Variants in SCML4 observed in about 807,000 individuals in gnomAD.
The protein encoded by SCML4 is sex comb on midleg-like protein 4.
In SCML4, 34 loss-of-function variants were observed where a neutral mutation model predicts 41.1. The observed-to-expected ratio is 0.83, with a 90% confidence interval of 0.63 to 1.10. SCML4 has a LOEUF of 1.10. Ranked by LOEUF, SCML4 falls within the 50% of genes least tolerant of loss-of-function variation. The probability of loss-of-function intolerance (pLI) is 0.00; values close to 1 mark genes in which losing one functional copy is unlikely to be tolerated. For missense variants in SCML4, 522 were observed against 534.1 expected (o/e 0.98, Z 0.22); for synonymous variants, 214 against 220.9 (o/e 0.97, Z 0.28).
intron 1 of SCML4, among the ~76,000 whole-genome samples, chr6:107,789,852 C>T (rs1249596398): frequency 6.6e-6 from 1 of 152,152 alleles, no homozygotes; most frequent in Admixed American, 6.6e-5. Context: ...ACAGGACCAG[C>T]AAAGCAACAA....
chr6:107,829,073 G>GA (rs1296168225), upstream of SCML4, among the ~76,000 whole-genome samples: 29 of 151,638 alleles, frequency 1.9e-4, no homozygotes, highest in Admixed American at 1.3e-3. Context: ...ATTTTATTTT[G>GA]AAAAAAAACT....
chr6:107,748,972 T>G (rs1042309614), intron 3 of SCML4, among the ~76,000 whole-genome samples: 1 of 152,076 alleles, frequency 6.6e-6, no homozygotes, highest in Admixed American at 6.5e-5. Context: ...AGAAGAGCAG[T>G]GGGGTGACCC....
Position 107,703,685 on chromosome 6 carries a change from A to C in SCML4, c.*1515T>G, listed in dbSNP as rs140939200. Among the ~76,000 whole-genome samples the C allele has an allele frequency of 6.6e-6, 1 of 152,164 alleles. No homozygotes were observed. The highest frequency in any genetic ancestry group is 2.4e-5 in the African/African-American group (1 of 41,450). Reference sequence around the variant, plus strand: ...CCCACCCTGCTCCACTTGCCAGCTGAGACCCCTGCTCAGGTTGTATCCCAG... The same window carrying C: ...CCCACCCTGCTCCACTTGCCAGCTGCGACCCCTGCTCAGGTTGTATCCCAG... On this transcript the variant is annotated 3_prime_UTR_variant, in exon 8 of 8. Coordinates refer to ENST00000369020, the MANE Select transcript of SCML4 (RefSeq NM_198081.5).
At chr6:107,767,519 G>T (rs2114558739) in intron 2 of SCML4, among the ~76,000 whole-genome samples, 1 of 152,150 alleles carries the variant, frequency 6.6e-6, no homozygotes, top group South Asian at 2.1e-4. Flanking sequence ...TTCAGAAAAA[G>T]AAAAAGGAAG....
chr6:107,791,046 G>T (rs1317178246), intron 1 of SCML4, among the ~76,000 whole-genome samples: 2 of 148,126 alleles, frequency 1.4e-5, no homozygotes, highest in Non-Finnish European at 3.0e-5. Context: ...CTCCAGCCTG[G>T]TCAGCAGAGC....
At chr6:107,751,572 A>ATCTTCCTTTCTT (rs1397888384) in intron 2 of SCML4, among the ~76,000 whole-genome samples, 9 of 87,672 alleles carry the variant, frequency 1.0e-4, no homozygotes, top group African/African-American at 4.0e-4. Flanking sequence ...CATTTTAACA[A>ATCTTCCTTTCTT]TCTTTCTTTC....
intron 1 of SCML4, among the ~76,000 whole-genome samples, chr6:107,806,828 T>C (rs1028507470): frequency 2.6e-5 from 4 of 152,196 alleles, no homozygotes; most frequent in African/African-American, 9.7e-5. Context: ...GCAGCTGCCA[T>C]CTGTTTCTCT....
chr6:107,714,702 A>G (rs1774575818), intron 6 of SCML4, among the ~76,000 whole-genome samples: 1 of 152,188 alleles, frequency 6.6e-6, no homozygotes, highest in South Asian at 2.1e-4. Flanking sequence ...CCTGCTCTAT[A>G]AAACACCTCG....
rs188907214 is a variant in SCML4, at chr6:107,772,366, C to T, written c.-39G>A. The T allele has an allele frequency of 2.5e-3, 3,836 of 1,530,332 alleles. 10 individuals carry two copies. Among genetic ancestry groups the T allele is most frequent in the Non-Finnish European group, 2.9e-3 (3,266 of 1,136,574 alleles). The allele number at this position is 1,530,332 out of a possible 1,614,324, so 94.8% of individuals were successfully genotyped here. ...AGTCTTACAGAATGAGGTGACAAATCGCTCACAGGCAGAAGAGGTGCTAAG... is the reference window on the plus strand; with the variant it reads ...AGTCTTACAGAATGAGGTGACAAATTGCTCACAGGCAGAAGAGGTGCTAAG... On this transcript the variant is annotated 5_prime_UTR_variant, in exon 2 of 8. Coordinates refer to ENST00000369020, the MANE Select transcript of SCML4 (RefSeq NM_198081.5).
rs1198416725 is a variant in SCML4, at chr6:107,790,970, T to C, written c.-59-18584A>G. 3.3e-5 allele frequency among the ~76,000 whole-genome samples: 5 copies of C among 151,526 alleles called. No individual in the cohort carries two copies. In the East Asian group the frequency reaches 5.8e-4, roughly 18 times the overall value. ...CTGTAGTCCCAGCTACTCAGGAGGCTGAGGCAGGAGAATTGCTTGAACCCA... is the reference window on the plus strand; with the variant it reads ...CTGTAGTCCCAGCTACTCAGGAGGCCGAGGCAGGAGAATTGCTTGAACCCA... On this transcript the variant is annotated intron_variant, in intron 1 of 7. Transcript: ENST00000369020.
intron 6 of SCML4, among the ~76,000 whole-genome samples, chr6:107,712,269 A>G (rs1480956067): frequency 6.6e-6 from 1 of 152,210 alleles, no homozygotes; most frequent in Non-Finnish European, 1.5e-5. Flanking sequence ...ATAATTTTAG[A>G]GTGATCAGAG....
chr6:107,740,594 C>G (rs1583458312), intron 5 of SCML4, among the ~76,000 whole-genome samples: 1 of 152,214 alleles, frequency 6.6e-6, no homozygotes, highest in Non-Finnish European at 1.5e-5. Flanking sequence ...AGACATAGAT[C>G]TGCAGCAGGA....
chr6:107,769,301 A>T (rs781623340), intron 2 of SCML4, among the ~76,000 whole-genome samples: 2 of 152,220 alleles, frequency 1.3e-5, no homozygotes, highest in African/African-American at 2.4e-5. Context: ...AGGGGGCCTG[A>T]CCTATGAACT....
At chr6:107,705,835 T>A (rs6909826) in intron 7 of SCML4, among the ~76,000 whole-genome samples, 133,026 of 152,152 alleles carry the variant, frequency 0.87, 58,294 homozygotes, top group South Asian at 0.92. Context: ...TTCCACTAGA[T>A]GGAATACACT....
rs183957160 is a variant in SCML4 at position 107,724,310 on chromosome 6, C to T, written c.683-3317G>A. On this transcript the variant is annotated intron_variant, in intron 5 of 7. Coordinates refer to ENST00000369020, the MANE Select transcript of SCML4 (RefSeq NM_198081.5). ...ATTGTACTAGAGGTTCCAGCCAGTG[C>T]AATTAGGTTAAGGAAAAGAAAAGCC... Among the ~76,000 whole-genome samples the T allele has an allele frequency of 1.3e-4, 20 of 152,094 alleles. No individual in the cohort carries two copies. The East Asian group carries it at 3.3e-3, about 25-fold the overall frequency.
At chr6:107,827,459 T>A (rs1046049491), upstream of SCML4, among the ~76,000 whole-genome samples, 14 of 151,826 alleles carry the variant, frequency 9.2e-5, no homozygotes, top group Non-Finnish European at 1.6e-4. Context: ...TAGCTTTTAA[T>A]AACTTAAATC....
At chr6:107,741,949 C>T (rs1174895391) in intron 5 of SCML4, among the ~76,000 whole-genome samples, 1 of 152,142 alleles carries the variant, frequency 6.6e-6, no homozygotes, top group African/African-American at 2.4e-5. Context: ...GGACCAGAAA[C>T]CGACCCTAAT....
At chr6:107,731,303 A>C (rs927235532) in intron 5 of SCML4, among the ~76,000 whole-genome samples, 1 of 152,220 alleles carries the variant, frequency 6.6e-6, no homozygotes, top group African/African-American at 2.4e-5. Flanking sequence ...TTTTATTTTT[A>C]AAAACTAAAC....
chr6:107,742,119 A>G (rs1416974879), intron 5 of SCML4, among the ~76,000 whole-genome samples: 1 of 151,856 alleles, frequency 6.6e-6, no homozygotes. Flanking sequence ...AGAAATATTC[A>G]AACTAAGAAA....
Sources: gnomAD v4.1 joint callset for allele counts (sites outside exome capture counted in the v4.1 genomes callset) on GRCh38, gnomAD v4.1.1 for gene constraint, MANE v1.5 for transcripts, NCBI Gene and HGNC (gene_info 2026-07-23, HGNC 2026-07-21) for gene names.